COL23A1: variants seen among roughly 807,000 people sequenced by gnomAD.
COL23A1 encodes the protein collagen type XXIII alpha 1 chain, also known as collagen alpha-1(XXIII) chain.
In COL23A1, 97 loss-of-function variants were observed where a neutral mutation model predicts 99.3. The observed-to-expected ratio is 0.98, with a 90% confidence interval of 0.83 to 1.16. The LOEUF (loss-of-function observed/expected upper bound fraction) is 1.16, where lower values mean the gene tolerates loss of function less well. COL23A1 is among the 50% of genes most tolerant of loss of function. The pLI is 0.00. For missense variants in COL23A1, 762 were observed against 757.4 expected (o/e 1.01, Z -0.07); for synonymous variants, 320 against 308.2 (o/e 1.04, Z -0.40).
intron 2 of COL23A1, among the ~76,000 whole-genome samples, chr5:178,508,541 T>C (rs1269866705): frequency 1.3e-5 from 2 of 152,214 alleles, no homozygotes; most frequent in Non-Finnish European, 1.5e-5. Flanking sequence ...TGCCACTGTG[T>C]TGCTGTCACG....
At chr5:178,578,116 T>C (rs486032) in intron 1 of COL23A1, among the ~76,000 whole-genome samples, 46,807 of 149,302 alleles carry the variant, frequency 0.31, 11,944 homozygotes, top group African/African-American at 0.7. Context: ...CATGCACACA[T>C]TCATGCACAC....
chr5:178,423,402 C>A (rs1765740238), intron 2 of COL23A1, among the ~76,000 whole-genome samples: 1 of 152,144 alleles, frequency 6.6e-6, no homozygotes, highest in Admixed American at 6.5e-5. Context: ...TGAGAATGAA[C>A]CAGTGATCTA....
intron 2 of COL23A1, among the ~76,000 whole-genome samples, chr5:178,315,139 C>A (rs1758909205): frequency 6.6e-6 from 1 of 152,152 alleles, no homozygotes; most frequent in Non-Finnish European, 1.5e-5. Flanking sequence ...GGTTCCTCTC[C>A]CTGAGTTAGG....
At chr5:178,354,610 C>G (rs574845845) in intron 2 of COL23A1, among the ~76,000 whole-genome samples, 5 of 152,280 alleles carry the variant, frequency 3.3e-5, no homozygotes, top group African/African-American at 1.2e-4. Flanking sequence ...TAGCACTTCA[C>G]CCTTCGCTGT....
rs777632875 is a variant in COL23A1, at chr5:178,387,032, G to A, written c.362-80113C>T. 6.6e-6 allele frequency among the ~76,000 whole-genome samples: 1 copy of A among 152,044 alleles called. No homozygotes were observed. The highest frequency in any genetic ancestry group is 6.5e-5 in the Admixed American group (1 of 15,270). ...CCTCTGGACTTCAGCTCCAGGTTTC[G>A]TCTCTCGCTCCAGGCTTCCTGCTGT... is the stretch of plus-strand genomic sequence containing the variant. On this transcript the variant is annotated intron_variant, in intron 2 of 28. Coordinates refer to ENST00000390654, the MANE Select transcript of COL23A1 (RefSeq NM_173465.4). The surrounding 1 kb of genome is among the most constrained non-coding windows in gnomAD (Gnocchi z 4.7).
rs377736638 is a variant in COL23A1, at chr5:178,321,767, G to T, written c.362-14848C>A. Among the ~76,000 whole-genome samples, 9 of 151,958 alleles carry T rather than the reference G, an allele frequency of 5.9e-5. No homozygotes were observed. The East Asian group carries it at 1.7e-3, about 29-fold the overall frequency. ...GCCTCCCAAAGTGCTGGGATTACAG[G>T]CGTGAGCCACCGCGCCCGGCCCCGT... On this transcript the variant is annotated intron_variant, in intron 2 of 28. Coordinates refer to ENST00000390654, the MANE Select transcript of COL23A1 (RefSeq NM_173465.4).
At chr5:178,243,707 C>A (rs933381469) in intron 25 of COL23A1, among the ~76,000 whole-genome samples, 1 of 152,074 alleles carries the variant, frequency 6.6e-6, no homozygotes, top group African/African-American at 2.4e-5. Context: ...ATAGTTGGGC[C>A]TTCTGGGGTT....
At chr5:178,333,618 C>T (rs1472161755) in intron 2 of COL23A1, among the ~76,000 whole-genome samples, 2 of 152,110 alleles carry the variant, frequency 1.3e-5, no homozygotes, top group East Asian at 3.9e-4. Flanking sequence ...TCTTGAGGCG[C>T]CCACAGTCCC....
intron 2 of COL23A1, among the ~76,000 whole-genome samples, chr5:178,550,678 G>C (rs564487): frequency 6.6e-6 from 1 of 151,878 alleles, no homozygotes; most frequent in Non-Finnish European, 1.5e-5. Flanking sequence ...AAGCCAGATA[G>C]TATTACTGCA....
rs1756891235 is a variant in COL23A1, at chr5:178,281,422, C to T, written c.441+6902G>A. On this transcript the variant is annotated intron_variant, in intron 5 of 28. Transcript: ENST00000390654. This position sits in a 1 kb window ranked among gnomAD's most constrained non-coding sequence, Gnocchi z 4.0. Reference sequence around the variant, plus strand: ...CCGTCTCACAGACCACATTTCAGCCCAGAGCTCTCGCAGTCCCCTGGGGCC... The same window carrying T: ...CCGTCTCACAGACCACATTTCAGCCTAGAGCTCTCGCAGTCCCCTGGGGCC... Among the ~76,000 whole-genome samples, 1 of 152,128 alleles carries T rather than the reference C, an allele frequency of 6.6e-6. No individual in the cohort carries two copies. The highest frequency in any genetic ancestry group is 6.5e-5 in the Admixed American group (1 of 15,276).
intron 2 of COL23A1, among the ~76,000 whole-genome samples, chr5:178,324,608 C>T (rs942332023): frequency 6.6e-6 from 1 of 152,196 alleles, no homozygotes; most frequent in Non-Finnish European, 1.5e-5. Flanking sequence ...CACCTTCTCA[C>T]TCTACCAAGG....
chr5:178,354,235 G>C (rs1168178849), intron 2 of COL23A1, among the ~76,000 whole-genome samples: 1 of 152,092 alleles, frequency 6.6e-6, no homozygotes, highest in Non-Finnish European at 1.5e-5. Context: ...GACTGGGATA[G>C]GGTCTTCCTA....
chr5:178,549,903 G>A (rs968002857), intron 2 of COL23A1, among the ~76,000 whole-genome samples: 5 of 152,114 alleles, frequency 3.3e-5, no homozygotes, highest in Admixed American at 2.6e-4. Context: ...ATTAAATCTA[G>A]ATGAAACGGA....
intron 1 of COL23A1, among the ~76,000 whole-genome samples, chr5:178,585,304 C>T (rs1427213015): frequency 1.3e-5 from 2 of 152,112 alleles, no homozygotes; most frequent in Non-Finnish European, 2.9e-5. Context: ...TAACACTCCA[C>T]GGCTGACCCT....
At chr5:178,401,449 A>G (rs1347559460) in intron 2 of COL23A1, among the ~76,000 whole-genome samples, 1 of 152,244 alleles carries the variant, frequency 6.6e-6, no homozygotes. Context: ...TTATCTTGGC[A>G]TAGCGCATTT....
intron 1 of COL23A1, among the ~76,000 whole-genome samples, chr5:178,584,431 G>A (rs1297517529): frequency 6.6e-6 from 1 of 151,750 alleles, no homozygotes; most frequent in Non-Finnish European, 1.5e-5. Context: ...TGAACTCCTG[G>A]GCTCAAGTTA....
At chr5:178,252,865 C>A (rs1765108705) in intron 16 of COL23A1, among the ~76,000 whole-genome samples, 1 of 152,226 alleles carries the variant, frequency 6.6e-6, no homozygotes. Context: ...CTGCCCCAAT[C>A]CAGATTTCTT....
chr5:178,496,008 G>A (rs1386028566), intron 2 of COL23A1, among the ~76,000 whole-genome samples: 1 of 152,136 alleles, frequency 6.6e-6, no homozygotes, highest in African/African-American at 2.4e-5. Context: ...AGGCAGTCGA[G>A]CTCCAAACCC....
rs1195505709 is a variant in COL23A1, at chr5:178,290,751, A to G, written c.407-382T>C. On this transcript the variant is annotated intron_variant, in intron 3 of 28. Coordinates refer to ENST00000390654, the MANE Select transcript of COL23A1 (RefSeq NM_173465.4). The stretch of plus-strand genomic sequence containing the variant: ...CTATTGAGGGCAGACTGGGGGAGCA[A>G]ACATTTTGGACAGAGAGAATACTGG... Among the ~76,000 whole-genome samples the G allele has an allele frequency of 2.6e-3, 391 of 152,294 alleles. 2 individuals carry two copies. Among genetic ancestry groups the G allele is most frequent in the Non-Finnish European group, 3.3e-3 (222 of 68,026 alleles).
Sources: gnomAD v4.1 joint callset for allele counts (sites outside exome capture counted in the v4.1 genomes callset) on GRCh38, gnomAD v4.1.1 for gene constraint, Gnocchi (gnomAD v3.1) non-coding constraint, MANE v1.5 for transcripts, NCBI Gene and HGNC (gene_info 2026-07-23, HGNC 2026-07-21) for gene names.